The following RAB39A variants were observed in gnomAD, a reference collection of about 807,000 sequenced individuals.
The protein encoded by RAB39A is ras-related protein Rab-39A.
A neutral mutation model predicts 20.9 loss-of-function variants in RAB39A; 17 were observed. The ratio of observed to expected loss-of-function variants is 0.81; its 90% CI spans 0.56 to 1.22. RAB39A has a LOEUF of 1.22. Ranked by LOEUF, RAB39A falls within the 50% of genes most tolerant of loss-of-function variation. RAB39A has a pLI of 0.00. For missense variants in RAB39A, 234 were observed against 270.5 expected (o/e 0.87, Z 0.95); for synonymous variants, 99 against 103.4 (o/e 0.96, Z 0.26).
intron 1 of RAB39A, among the ~76,000 whole-genome samples, chr11:107,954,585 T>C (rs553461990): frequency 6.6e-6 from 1 of 152,352 alleles, no homozygotes. Flanking sequence ...ATGGAACTTT[T>C]CCACTGACCT....
intron 1 of RAB39A, among the ~76,000 whole-genome samples, chr11:107,940,545 C>T (rs190881723): frequency 1.2e-3 from 186 of 152,074 alleles, no homozygotes; most frequent in Non-Finnish European, 2.2e-3. Context: ...ATTACAGGTG[C>T]GAGCCTGTTT....
intron 1 of RAB39A, among the ~76,000 whole-genome samples, chr11:107,946,989 C>G (rs1490591546): frequency 1.3e-5 from 2 of 151,806 alleles, no homozygotes; most frequent in Non-Finnish European, 2.9e-5. Flanking sequence ...TGTGTGCACT[C>G]CGGCCTGGGA....
intron 1 of RAB39A, among the ~76,000 whole-genome samples, chr11:107,931,637 C>T (rs557371402): frequency 2.6e-5 from 4 of 152,162 alleles, no homozygotes; most frequent in Admixed American, 1.3e-4. Flanking sequence ...TAGAAAGGTA[C>T]TGTAGGTCAT....
At chr11:107,933,250 C>T (rs1422579090) in intron 1 of RAB39A, among the ~76,000 whole-genome samples, 3 of 150,804 alleles carry the variant, frequency 2.0e-5, no homozygotes, top group African/African-American at 4.9e-5. Flanking sequence ...ATGTCCTCCT[C>T]GTGCAGTGCT....
In RAB39A at chr11:107,962,205, A is replaced by C. The variant is rs749775277; in HGVS notation, c.487A>C (p.Asn163His). 1.2e-6 allele frequency: 2 copies of C among 1,614,000 alleles called. No homozygotes were observed. The highest frequency in any genetic ancestry group is 1.7e-6 in the Non-Finnish European group (2 of 1,180,002). ...YIETSAKDATNVEESFTILTR... is the reference protein window; with the variant it reads ...YIETSAKDATHVEESFTILTR... ...AGAAACCTCAGCAAAGGATGCTACA[A>C]ATGTTGAAGAATCCTTCACAATCTT... Residue 163 changes from asparagine (N) to histidine (H), a missense_variant, in exon 2 of 2, where the codon AAT becomes CAT. Coordinates refer to ENST00000320578, the MANE Select transcript of RAB39A (RefSeq NM_017516.3).
At position 107,938,564 on chromosome 11, in the gene RAB39A, T is replaced by TAAAA. The variant is rs5794580; in HGVS notation, c.227+9788_227+9791dup. 1.6e-3 allele frequency among the ~76,000 whole-genome samples: 152 copies of TAAAA among 95,188 alleles called. 3 individuals are homozygous for TAAAA. Among genetic ancestry groups the TAAAA allele is most frequent in the African/African-American group, 2.7e-3 (63 of 23,692 alleles). 62.4% of individuals were successfully genotyped at this position (95,188 alleles called of 152,430 possible). The stretch of plus-strand genomic sequence containing the variant: ...GGGCAACATAGTGAGACCTCGTCTA[T>TAAAA]AAAAAAAAAAAAAAAAAAAAAATTA... On this transcript the variant is annotated intron_variant, in intron 1 of 1. Coordinates refer to ENST00000320578, the MANE Select transcript of RAB39A (RefSeq NM_017516.3).
intron 1 of RAB39A, among the ~76,000 whole-genome samples, chr11:107,948,072 C>A (rs1260617389): frequency 2.0e-5 from 3 of 151,788 alleles, no homozygotes; most frequent in African/African-American, 4.8e-5. Flanking sequence ...GGCAAGGGAA[C>A]CTCCCAGGAA....
chr11:107,947,147 G>T (rs1861327817), intron 1 of RAB39A, among the ~76,000 whole-genome samples: 1 of 151,968 alleles, frequency 6.6e-6, no homozygotes, highest in South Asian at 2.1e-4. Flanking sequence ...TGTCACGCAG[G>T]CTGGAGTGCA....
At chr11:107,940,695 G>T (rs532725407) in intron 1 of RAB39A, among the ~76,000 whole-genome samples, 4 of 152,236 alleles carry the variant, frequency 2.6e-5, no homozygotes, top group Admixed American at 2.6e-4. Context: ...CACCTCGGCC[G>T]GGTGTGGTGG....
Position 107,928,828 on chromosome 11 carries a change from G to GC in RAB39A, c.227+38dup. 1 of 1,457,318 alleles carries GC rather than the reference G, an allele frequency of 6.9e-7. No homozygotes were observed. The allele number at this position is 1,457,318 out of a possible 1,614,324, so 90.3% of individuals were successfully genotyped here. A position where few individuals can be genotyped will look rare whatever the true frequency, so the allele number is the denominator to read the frequency against. ...CCCCGGGGACCTTGGGCACCGCGCC[G>GC]CCCCCTCAGCCCGCCCGGACGCCCC... On this transcript the variant is annotated intron_variant, in intron 1 of 1. Coordinates refer to ENST00000320578, the MANE Select transcript of RAB39A (RefSeq NM_017516.3). The surrounding 1 kb of genome is among the most constrained non-coding windows in gnomAD (Gnocchi z 4.9).
intron 1 of RAB39A, among the ~76,000 whole-genome samples, chr11:107,943,506 G>A (rs1264884694): frequency 6.6e-6 from 1 of 151,404 alleles, no homozygotes; most frequent in Non-Finnish European, 1.5e-5. Context: ...GGGAGGCGAC[G>A]GTTGCAGTGA....
chr11:107,930,014 C>G (rs192202677), intron 1 of RAB39A, among the ~76,000 whole-genome samples: 1 of 152,320 alleles, frequency 6.6e-6, no homozygotes, highest in East Asian at 1.9e-4. Flanking sequence ...CGAATGAGAT[C>G]AGCCTACATC....
At chr11:107,950,927 G>C (rs1249612749) in intron 1 of RAB39A, among the ~76,000 whole-genome samples, 3 of 152,038 alleles carry the variant, frequency 2.0e-5, no homozygotes, top group Non-Finnish European at 4.4e-5. Flanking sequence ...TCCTAGGGAT[G>C]GTAAGAAAGC....
chr11:107,935,432 T>C (rs1381010295), intron 1 of RAB39A, among the ~76,000 whole-genome samples: 4 of 151,512 alleles, frequency 2.6e-5, no homozygotes, highest in African/African-American at 9.7e-5. Flanking sequence ...TGGAGTGCAG[T>C]GGTGCGATCT....
chr11:107,934,732 G>A (rs1251836489), intron 1 of RAB39A, among the ~76,000 whole-genome samples: 8 of 70 alleles, frequency 0.11, no homozygotes, highest in East Asian at 0.44. Context: ...TTCGAGACCA[G>A]CCTGGCCAAA....
rs999480926 is a variant in RAB39A at position 107,946,875 on chromosome 11, G to A, written c.228-15071G>A. Among the ~76,000 whole-genome samples, 3 of 151,964 alleles carry A rather than the reference G, an allele frequency of 2.0e-5. No homozygotes were observed. The South Asian group carries it at 6.2e-4, about 32-fold the overall frequency. The stretch of plus-strand genomic sequence containing the variant: ...GGCTGAGGCAGGCAGATCACTTGAG[G>A]TCTGGAGTTTGAGACCAGCCTGGCC... On this transcript the variant is annotated intron_variant, in intron 1 of 1. Coordinates refer to ENST00000320578, the MANE Select transcript of RAB39A (RefSeq NM_017516.3).
intron 1 of RAB39A, among the ~76,000 whole-genome samples, chr11:107,929,690 A>G (rs535851411): frequency 5.3e-5 from 8 of 152,320 alleles, no homozygotes; most frequent in Admixed American, 2.0e-4. Flanking sequence ...TCCGCTGGGG[A>G]CATGAAGGGT....
chr11:107,947,790 G>A (rs1430577126), intron 1 of RAB39A, among the ~76,000 whole-genome samples: 1 of 73,378 alleles, frequency 1.4e-5, no homozygotes, highest in Non-Finnish European at 2.6e-5. Context: ...TTCTGAGAAA[G>A]GAACAGCATC....
intron 1 of RAB39A, among the ~76,000 whole-genome samples, chr11:107,936,967 G>A (rs1209690084): frequency 6.6e-6 from 1 of 151,882 alleles, no homozygotes; most frequent in Non-Finnish European, 1.5e-5. Context: ...AAAATGATTG[G>A]TGGGTCCATA....
Sources: allele counts gnomAD v4.1 joint callset (sites outside exome capture counted in the v4.1 genomes callset), GRCh38; gene constraint gnomAD v4.1.1; non-coding constraint Gnocchi (gnomAD v3.1); transcripts MANE v1.5; gene names NCBI Gene and HGNC (gene_info 2026-07-23, HGNC 2026-07-21).